The following ALK variants were observed in gnomAD, a reference collection of about 807,000 sequenced individuals.
ALK encodes ALK tyrosine kinase receptor.
Under a neutral mutation model 163.1 loss-of-function variants are expected in ALK, and 74 were observed. The ratio of observed to expected loss-of-function variants is 0.45; its 90% CI spans 0.38 to 0.55. ALK has a LOEUF of 0.55. Among genes scored for constraint, ALK ranks in the 20% least tolerant of loss-of-function variants. The probability of loss-of-function intolerance (pLI) is 0.00; values close to 1 mark genes in which losing one functional copy is unlikely to be tolerated. For missense variants in ALK, 2,063 were observed against 2,105.3 expected (o/e 0.98, Z 0.39); for synonymous variants, 960 against 843.2 (o/e 1.14, Z -2.40).
intron 3 of ALK, among the ~76,000 whole-genome samples, chr2:29,547,533 G>A (rs949588759): frequency 1.3e-5 from 2 of 152,206 alleles, no homozygotes; most frequent in Non-Finnish European, 2.9e-5. Flanking sequence ...GGAGGCGGAG[G>A]TTGCAGTGAG....
At chr2:29,883,432 C>A (rs1030886537) in intron 1 of ALK, among the ~76,000 whole-genome samples, 3 of 152,224 alleles carry the variant, frequency 2.0e-5, no homozygotes, top group Non-Finnish European at 4.4e-5. Context: ...CCTTCCCAGA[C>A]TCTCCATCCT....
chr2:29,801,497 C>T (rs1664466546), intron 1 of ALK, among the ~76,000 whole-genome samples: 1 of 152,194 alleles, frequency 6.6e-6, no homozygotes, highest in South Asian at 2.1e-4. Flanking sequence ...ATAGGTTTTG[C>T]CTGCATCGTG....
At chr2:29,850,264 C>T (rs13016339) in intron 1 of ALK, among the ~76,000 whole-genome samples, 3,191 of 152,210 alleles carry the variant, frequency 0.021, 90 homozygotes, top group African/African-American at 0.069. Flanking sequence ...AGTTAGAAGT[C>T]GGGACTGGTT....
At chr2:29,561,361 G>A (rs1305756196) in intron 3 of ALK, among the ~76,000 whole-genome samples, 1 of 152,152 alleles carries the variant, frequency 6.6e-6, no homozygotes, top group Non-Finnish European at 1.5e-5. Flanking sequence ...AAAAAAGGGG[G>A]AAGTTGCCCA....
intron 4 of ALK, among the ~76,000 whole-genome samples, chr2:29,508,300 A>G (rs1672396647): frequency 6.6e-6 from 1 of 152,214 alleles, no homozygotes; most frequent in South Asian, 2.1e-4. Flanking sequence ...TCAGAGCAGT[A>G]TAGGCGTCAG....
intron 4 of ALK, among the ~76,000 whole-genome samples, chr2:29,418,276 C>T (rs961850618): frequency 1.3e-5 from 2 of 152,186 alleles, no homozygotes; most frequent in Non-Finnish European, 2.9e-5. Flanking sequence ...TTTCCAACCC[C>T]TACTCCCCAG....
At chr2:29,451,831 C>T in intron 4 of ALK, among the ~76,000 whole-genome samples, 1 of 152,120 alleles carries the variant, frequency 6.6e-6, no homozygotes, top group Non-Finnish European at 1.5e-5. Flanking sequence ...TAATAAATGA[C>T]CTCCAGAAAA....
chr2:29,298,630 C>T (rs1436040770), intron 8 of ALK, among the ~76,000 whole-genome samples: 4 of 152,192 alleles, frequency 2.6e-5, no homozygotes, highest in South Asian at 2.1e-4. Context: ...AACTCTCCCT[C>T]GCATACTGAC....
intron 11 of ALK, among the ~76,000 whole-genome samples, chr2:29,257,571 A>G (rs1286523725): frequency 2.0e-5 from 3 of 152,242 alleles, no homozygotes; most frequent in Non-Finnish European, 4.4e-5. Context: ...AGCATAATAC[A>G]AAGGAAAGTT....
intron 1 of ALK, among the ~76,000 whole-genome samples, chr2:29,804,222 G>C (rs1010107979): frequency 6.6e-6 from 1 of 152,250 alleles, no homozygotes; most frequent in Non-Finnish European, 1.5e-5. Flanking sequence ...ATGTTTCCAA[G>C]TGAAAGTTAA....
intron 18 of ALK, 26 bp from the exon 19 acceptor site, chr2:29,225,591 T>A (rs568948729): frequency 6.3e-7 from 1 of 1,583,438 alleles, no homozygotes; most frequent in Admixed American, 1.7e-5. Context: ...CACTGGGGTA[T>A]TGACAACCAC....
chr2:29,227,340 TG>T lies in ALK; in HGVS notation c.2914+233del, dbSNP rs933277366. 6.6e-6 allele frequency among the ~76,000 whole-genome samples: 1 copy of T among 152,228 alleles called. No homozygotes were observed. The highest frequency in any genetic ancestry group is 2.4e-5 in the African/African-American group (1 of 41,448). On this transcript the variant is annotated intron_variant, in intron 17 of 28. Transcript: ENST00000389048. This position sits in a 1 kb window ranked among gnomAD's most constrained non-coding sequence, Gnocchi z 4.4. ...CGCACATGATCTTTAGGTTGGCTGG[TG>T]CAGGTATTGGGCTATTACTGTTACA...
intron 3 of ALK, among the ~76,000 whole-genome samples, chr2:29,633,954 G>A (rs1014807030): frequency 6.6e-6 from 1 of 152,076 alleles, no homozygotes; most frequent in Non-Finnish European, 1.5e-5. Flanking sequence ...TCCAGGACCA[G>A]ATGGCTTTAT....
At chr2:29,736,267 C>T (rs549102032) in intron 1 of ALK, among the ~76,000 whole-genome samples, 36 of 151,854 alleles carry the variant, frequency 2.4e-4, no homozygotes, top group Non-Finnish European at 5.1e-4. Context: ...AAAGAAAATG[C>T]CTGGAAGGAA....
At chr2:29,351,563 A>C (rs961311835) in intron 5 of ALK, among the ~76,000 whole-genome samples, 2 of 152,186 alleles carry the variant, frequency 1.3e-5, no homozygotes, top group Admixed American at 6.5e-5. Context: ...ACCAATTACT[A>C]GACTGGCCAC....
intron 3 of ALK, among the ~76,000 whole-genome samples, chr2:29,677,345 A>T (rs1365340358): frequency 6.8e-6 from 1 of 146,570 alleles, no homozygotes; most frequent in Non-Finnish European, 1.5e-5. Context: ...GAAAGCAAGT[A>T]TTTTTCCCTT....
At chr2:29,360,453 C>A (rs1202561353) in intron 5 of ALK, among the ~76,000 whole-genome samples, 1 of 152,210 alleles carries the variant, frequency 6.6e-6, no homozygotes, top group East Asian at 1.9e-4. Context: ...GCAGAGATAG[C>A]ACATTGCCCA....
At chr2:29,853,901 T>TTCTTG (rs1666070855) in intron 1 of ALK, among the ~76,000 whole-genome samples, 2 of 71,644 alleles carry the variant, frequency 2.8e-5, no homozygotes, top group African/African-American at 5.0e-5. Flanking sequence ...AAAGTTTTCT[T>TTCTTG]TCTTTTCTTT....
chr2:29,770,649 A>G (rs1680993699), intron 1 of ALK, among the ~76,000 whole-genome samples: 1 of 152,252 alleles, frequency 6.6e-6, no homozygotes, highest in African/African-American at 2.4e-5. Context: ...CCAGAGCTGG[A>G]TAATATAAAA....
Sources: allele counts gnomAD v4.1 joint callset (sites outside exome capture counted in the v4.1 genomes callset), GRCh38; gene constraint gnomAD v4.1.1; non-coding constraint Gnocchi (gnomAD v3.1); transcripts MANE v1.5; gene names NCBI Gene and HGNC (gene_info 2026-07-23, HGNC 2026-07-21).